Variants in PTPRM observed in about 807,000 individuals in gnomAD.
PTPRM encodes protein tyrosine phosphatase receptor type M, also known as receptor-type tyrosine-protein phosphatase mu.
PTPRM carries 47 observed loss-of-function variants against 186.7 expected under a neutral mutation model. The observed-to-expected ratio is 0.25, with a 90% confidence interval of 0.20 to 0.32. PTPRM has a LOEUF of 0.32. Ranked by LOEUF, PTPRM falls within the 10% of genes least tolerant of loss-of-function variation. The probability of loss-of-function intolerance (pLI) is 1.00; values close to 1 mark genes in which losing one functional copy is unlikely to be tolerated. For missense variants in PTPRM, 1,494 were observed against 1,865.0 expected (o/e 0.80, Z 3.66); for synonymous variants, 668 against 674.9 (o/e 0.99, Z 0.16).
intron 20 of PTPRM, among the ~76,000 whole-genome samples, chr18:8,307,819 A>AT (rs1257788873): frequency 6.6e-6 from 1 of 151,988 alleles, no homozygotes; most frequent in African/African-American, 2.4e-5. Context: ...AAAAAAAATA[A>AT]AAATAAAAAA....
At chr18:7,904,333 T>C (rs6506539) in intron 3 of PTPRM, among the ~76,000 whole-genome samples, 58,834 of 151,906 alleles carry the variant, frequency 0.39, 13,005 homozygotes, top group East Asian at 0.64. Flanking sequence ...TTGTGTATCT[T>C]CCACCACAGT....
At chr18:8,250,417 C>G (rs1344435044) in intron 17 of PTPRM, among the ~76,000 whole-genome samples, 1 of 152,024 alleles carries the variant, frequency 6.6e-6, no homozygotes, top group Non-Finnish European at 1.5e-5. Context: ...AGAAAACCAT[C>G]AAAACTATTA....
chr18:8,290,773 TC>T (rs2095034377), intron 19 of PTPRM, among the ~76,000 whole-genome samples: 1 of 152,138 alleles, frequency 6.6e-6, no homozygotes, highest in Non-Finnish European at 1.5e-5. Flanking sequence ...GCTAAGGTAG[TC>T]AGAGGAAACA....
At chr18:7,788,846 G>T (rs1477202558) in intron 2 of PTPRM, among the ~76,000 whole-genome samples, 1 of 152,180 alleles carries the variant, frequency 6.6e-6, no homozygotes, top group Non-Finnish European at 1.5e-5. Flanking sequence ...CCATGGGAAA[G>T]GTTACCAAGG....
At chr18:7,890,378 G>T (rs764011867) in intron 3 of PTPRM, among the ~76,000 whole-genome samples, 12 of 152,264 alleles carry the variant, frequency 7.9e-5, no homozygotes, top group Non-Finnish European at 1.8e-4. Flanking sequence ...TGGTGTTTAT[G>T]AGTTAAGATC....
At chr18:8,352,653 G>GTTTTTTTTTTTTTTTTTTTTTTTTT (rs1355276752) in intron 23 of PTPRM, among the ~76,000 whole-genome samples, 3 of 121,340 alleles carry the variant, frequency 2.5e-5, no homozygotes, top group Non-Finnish European at 3.6e-5. Flanking sequence ...TTTTGGTTTG[G>GTTTTTTTTTTTTTTTTTTTTTTTTT]TTTTTTTTGT....
chr18:7,840,123 G>A (rs1290262576), intron 2 of PTPRM, among the ~76,000 whole-genome samples: 1 of 151,366 alleles, frequency 6.6e-6, no homozygotes, highest in Non-Finnish European at 1.5e-5. Flanking sequence ...GAGGGGTGGT[G>A]TCCTTGGCAA....
intron 14 of PTPRM, among the ~76,000 whole-genome samples, chr18:8,236,598 T>C (rs2094348264): frequency 6.6e-6 from 1 of 152,002 alleles, no homozygotes; most frequent in South Asian, 2.1e-4. Context: ...CTGGAGTGAA[T>C]TGGTGCAATC....
chr18:8,056,707 G>A (rs1162497913), intron 7 of PTPRM, among the ~76,000 whole-genome samples: 1 of 151,304 alleles, frequency 6.6e-6, no homozygotes, highest in African/African-American at 2.4e-5. Flanking sequence ...TCTGTCCTTC[G>A]GAGCCAGTAT....
intron 24 of PTPRM, among the ~76,000 whole-genome samples, chr18:8,373,403 A>G (rs553533133): frequency 2.0e-5 from 3 of 152,306 alleles, no homozygotes; most frequent in Admixed American, 2.0e-4. Context: ...TATTTCCCAC[A>G]TAGCTGATGA....
chr18:8,235,811 T>A (rs1354557095), intron 14 of PTPRM, among the ~76,000 whole-genome samples: 1 of 125,834 alleles, frequency 7.9e-6, no homozygotes, highest in East Asian at 2.1e-4. Flanking sequence ...TAAATTTCTC[T>A]TGAGATTTCT....
At chr18:8,126,014 TATATATATA>T (rs1337606676) in intron 13 of PTPRM, among the ~76,000 whole-genome samples, 348 of 24,606 alleles carry the variant, frequency 0.014, 38 homozygotes, top group Non-Finnish European at 0.023. Flanking sequence ...TATATATATA[TATATATATA>T]TATATTTTAA....
intron 13 of PTPRM, among the ~76,000 whole-genome samples, chr18:8,125,930 C>T (rs111703201): frequency 0.023 from 3,269 of 139,844 alleles, 120 homozygotes; most frequent in African/African-American, 0.083. Context: ...TTTAATAACC[C>T]AGCCAACCCT....
chr18:7,690,421 CATT>C (rs1174491428), intron 1 of PTPRM, among the ~76,000 whole-genome samples: 6 of 152,256 alleles, frequency 3.9e-5, no homozygotes, highest in Non-Finnish European at 7.4e-5. Flanking sequence ...ATGTTATTTA[CATT>C]ATTATACATA....
chr18:7,646,293 A>C (rs2038560339), intron 1 of PTPRM, among the ~76,000 whole-genome samples: 1 of 152,154 alleles, frequency 6.6e-6, no homozygotes, highest in African/African-American at 2.4e-5. Flanking sequence ...GTCATTGCAG[A>C]GTCACACACA....
intron 14 of PTPRM, among the ~76,000 whole-genome samples, chr18:8,208,086 C>A (rs2093953907): frequency 6.6e-6 from 1 of 152,210 alleles, no homozygotes; most frequent in Non-Finnish European, 1.5e-5. Context: ...CAGGGAGCAA[C>A]AAAGGATGGG....
At chr18:8,154,730 A>G (rs2093084152) in intron 14 of PTPRM, 1 of 152,232 alleles carries the variant, frequency 6.6e-6, no homozygotes, top group South Asian at 2.1e-4. Context: ...ACATGGAATT[A>G]TTTAACATAT....
intron 3 of PTPRM, among the ~76,000 whole-genome samples, chr18:7,891,113 CAAA>C (rs11294604): frequency 3.1e-5 from 4 of 128,482 alleles, no homozygotes; most frequent in Admixed American, 1.6e-4. Flanking sequence ...CCAGTGTCTC[CAAA>C]AAAAAAAAAA....
intron 1 of PTPRM, among the ~76,000 whole-genome samples, chr18:7,594,449 TA>T (rs1299995161): frequency 6.6e-6 from 1 of 151,654 alleles, no homozygotes; most frequent in African/African-American, 2.4e-5. Context: ...CATTGCACTC[TA>T]GCCCAGGCGA....
Sources: allele counts gnomAD v4.1 joint callset (sites outside exome capture counted in the v4.1 genomes callset), GRCh38; gene constraint gnomAD v4.1.1; transcripts MANE v1.5; gene names NCBI Gene and HGNC (gene_info 2026-07-23, HGNC 2026-07-21).